The following MATN4 variants were observed in gnomAD, a reference collection of about 807,000 sequenced individuals.
MATN4 encodes the protein matrilin 4, also known as matrilin-4.
MATN4 carries 40 observed loss-of-function variants against 54.6 expected under a neutral mutation model. The ratio of observed to expected loss-of-function variants is 0.73; its 90% CI spans 0.57 to 0.95. The LOEUF (loss-of-function observed/expected upper bound fraction) is 0.95, where lower values mean the gene tolerates loss of function less well. Among genes scored for constraint, MATN4 ranks in the 40% least tolerant of loss-of-function variants. The probability of loss-of-function intolerance (pLI) is 0.00; values close to 1 mark genes in which losing one functional copy is unlikely to be tolerated. For synonymous variants in MATN4, 351 were observed against 345.3 expected, an observed-to-expected ratio of 1.02 and a Z score of -0.18; for missense variants, 810 against 819.1, an observed-to-expected ratio of 0.99 and a Z score of 0.13.
At chr20:45,307,524 G>A (rs1261375230) in intron 1 of MATN4, among the ~76,000 whole-genome samples, 2 of 152,166 alleles carry the variant, frequency 1.3e-5, no homozygotes, top group South Asian at 2.1e-4. Flanking sequence ...GACAGCATGA[G>A]GGCTAAGGCA....
rs1408515902 is a variant in MATN4, at chr20:45,293,899, AAAG to A, written c.1687+6_1687+8del. On this transcript the variant is annotated splice_donor_region_variant and intron_variant, in intron 9 of 9. Coordinates refer to ENST00000372756, the MANE Select transcript of MATN4 (RefSeq NM_001393530.1). The stretch of plus-strand genomic sequence containing the variant: ...CCCTCCAGCCCGCGCCACCAGCCCC[AAAG>A]GATATGGTTCAGCGTCAGGCTCTCG... The A allele has an allele frequency of 1.9e-6, 3 of 1,605,626 alleles. No individual in the cohort carries two copies. The African/African-American group carries it at 4.0e-5, about 21-fold the overall frequency.
Position 45,304,439 on chromosome 20 carries a change from G to T in MATN4, c.432C>A (p.Ile144=). The T allele has an allele frequency of 1.3e-6, 2 of 1,548,570 alleles. No individual in the cohort carries two copies. The highest frequency in any genetic ancestry group is 2.4e-5 in the South Asian group (2 of 83,844). Residue 144 remains isoleucine (I), a synonymous_variant, in exon 3 of 10, where the codon ATC becomes ATA. Transcript: ENST00000372756. The part of the protein sequence containing the change: ...PEERVPRVAV[I]VTDGRPQDRV... Reference sequence around the variant, plus strand: ...GGTCCTGGGGCCGCCCGTCTGTCACGATGACAGCGACACGCGGCACGCGCT... The same window carrying T: ...GGTCCTGGGGCCGCCCGTCTGTCACTATGACAGCGACACGCGGCACGCGCT...
In MATN4 at chr20:45,305,799, G is replaced by A. The variant is rs1037938045; in HGVS notation, c.-34-183C>T. ...ACAGTGGGATTGCTGGGAAACACAA[G>A]AGATTCTTTTTTTTTTTTTTTTTAG... On this transcript the variant is annotated intron_variant, in intron 1 of 9. Transcript: ENST00000372756. Among the ~76,000 whole-genome samples, 18 of 26,570 alleles carry A rather than the reference G, an allele frequency of 6.8e-4. No homozygotes were observed. In the South Asian group the frequency reaches 0.018, roughly 26 times the overall value. 17.4% of individuals were successfully genotyped at this position (26,570 alleles called of 152,430 possible). A position where few individuals can be genotyped will look rare whatever the true frequency, so the allele number is the denominator to read the frequency against.
rs777088318 is a variant in MATN4, at chr20:45,308,226, C to A, written c.-86G>T. On this transcript the variant is annotated 5_prime_UTR_variant, in exon 1 of 10. Coordinates refer to ENST00000372756, the MANE Select transcript of MATN4 (RefSeq NM_001393530.1). ...GCAGCTGCAGAGCGAAGCCGACAGGCGGAGCCTCCCGGGCACTTGGACCAG... is the reference window on the plus strand; with the variant it reads ...GCAGCTGCAGAGCGAAGCCGACAGGAGGAGCCTCCCGGGCACTTGGACCAG... The A allele has an allele frequency of 1.1e-5, 17 of 1,613,684 alleles. No homozygotes were observed. Among genetic ancestry groups the A allele is most frequent in the Non-Finnish European group, 1.4e-5 (17 of 1,179,584 alleles).
chr20:45,303,433 C>T (rs1368195158), intron 3 of MATN4: 2 of 717,182 alleles, frequency 2.8e-6, no homozygotes, highest in South Asian at 3.0e-5. Flanking sequence ...GCCTGGGTTG[C>T]AGGTGCAGTG....
At chr20:45,297,137 A>T (rs547466356) in intron 8 of MATN4, among the ~76,000 whole-genome samples, 2 of 146,640 alleles carry the variant, frequency 1.4e-5, no homozygotes, top group Non-Finnish European at 3.0e-5. Context: ...CAGCCCCCCT[A>T]CATATATCTA....
In MATN4 at chr20:45,298,009, G is replaced by A. The variant is rs763804670; in HGVS notation, c.1488C>T (p.Ala496=). The change falls in exon 8 of 10, where the codon GCC becomes GCT. Residue 496 remains alanine (A), a synonymous_variant. Transcript: ENST00000372756. This position sits in a 1 kb window ranked among gnomAD's most constrained non-coding sequence, Gnocchi z 4.6. The part of the protein sequence containing the change: ...KAVEAELREI[A]SEPAELHVSY... The stretch of plus-strand genomic sequence containing the variant: ...ACACGTGCAGTTCCGCTGGCTCCGA[G>A]GCGATCTCGCGCAGCTCCGCCTCCA... 3.1e-6 allele frequency: 5 copies of A among 1,614,140 alleles called. No individual in the cohort carries two copies. The highest frequency in any genetic ancestry group is 4.2e-6 in the Non-Finnish European group (5 of 1,180,020).
chr20:45,304,230 C>T lies in MATN4; in HGVS notation c.641G>A (p.Cys214Tyr). 1 of 1,507,394 alleles carries T rather than the reference C, an allele frequency of 6.6e-7. No individual in the cohort carries two copies. 93.4% of individuals were successfully genotyped at this position (1,507,394 alleles called of 1,614,324 possible). The change falls in exon 3 of 10, where the codon TGT (cysteine) becomes TAT (tyrosine). Residue 214 changes from cysteine to tyrosine, a missense_variant and splice_region_variant. Coordinates refer to ENST00000372756, the MANE Select transcript of MATN4 (RefSeq NM_001393530.1). ...ACTCCAGCGCCCTCCTAACTCACCA[C>T]ACAGCCGGCTCTGGAACTGCAGGCC... is the stretch of plus-strand genomic sequence containing the variant. ...EFGLQFQSRLCAIDLCAEGTH... is the reference protein window; with the variant it reads ...EFGLQFQSRLYAIDLCAEGTH...
At chr20:45,305,475 CT>C in intron 2 of MATN4, 34 bp downstream of exon 2, 1 of 1,521,018 alleles carries the variant, frequency 6.6e-7, no homozygotes, top group Non-Finnish European at 8.9e-7. Flanking sequence ...TTCCGCTCCC[CT>C]CCTCCCACTG....
At chr20:45,307,857 A>G (rs923099548) in intron 1 of MATN4, among the ~76,000 whole-genome samples, 1 of 152,150 alleles carries the variant, frequency 6.6e-6, no homozygotes, top group Non-Finnish European at 1.5e-5. Flanking sequence ...TAAAAAAAGA[A>G]AGATTCAGAG....
In MATN4 at chr20:45,294,002, G is replaced by A; in HGVS notation, c.1593C>T (p.Ser531=). ...RGSICPEEGI[S]AGTELRSPCE... is the part of the protein sequence containing the mutation. ...ATGGGCTCCGAAGCTCTGTCCCTGC[G>A]CTGATGCCCTCCTCTGCAAGCCGGA... The change falls in exon 9 of 10, where the codon AGC becomes AGT. Residue 531 remains serine, a synonymous_variant. Coordinates refer to ENST00000372756, the MANE Select transcript of MATN4 (RefSeq NM_001393530.1). 2.5e-6 allele frequency: 4 copies of A among 1,601,854 alleles called. No homozygotes were observed. Among genetic ancestry groups the A allele is most frequent in the South Asian group, 1.1e-5 (1 of 90,928 alleles).
rs896949474 is a variant in MATN4 at position 45,298,933 on chromosome 20, CAATAAT to C, written c.1013-356_1013-351del. 7.2e-5 allele frequency among the ~76,000 whole-genome samples: 11 copies of C among 152,144 alleles called. No individual in the cohort carries two copies. The highest frequency in any genetic ancestry group is 5.9e-4 in the Admixed American group (9 of 15,266). ...CTTCTAAGCACTCTACCAGTATTAA[CAATAAT>C]AATAACAAAAACATTATTTACCGAC... is the stretch of plus-strand genomic sequence containing the variant. On this transcript the variant is annotated intron_variant, in intron 6 of 9. Transcript: ENST00000372756. The surrounding 1 kb of genome is among the most constrained non-coding windows in gnomAD (Gnocchi z 4.6).
At chr20:45,296,727 T>C (rs555908903) in intron 8 of MATN4, among the ~76,000 whole-genome samples, 6 of 152,214 alleles carry the variant, frequency 3.9e-5, no homozygotes, top group African/African-American at 1.4e-4. Context: ...ATAATTAGAA[T>C]TGGCTGAGAG....
chr20:45,301,597 C>G (rs2741504), intron 3 of MATN4, among the ~76,000 whole-genome samples, 154 bp from the exon 4 acceptor site: 1 of 152,200 alleles, frequency 6.6e-6, no homozygotes, highest in Non-Finnish European at 1.5e-5. Context: ...TCAAGATGCT[C>G]TCTGACTTAC....
Position 45,304,212 on chromosome 20 carries a change from C to A in MATN4, c.643+16G>T. The A allele has an allele frequency of 6.8e-7, 1 of 1,479,352 alleles. No individual in the cohort carries two copies. The highest frequency in any genetic ancestry group is 9.0e-7 in the Non-Finnish European group (1 of 1,115,712). The allele number at this position is 1,479,352 out of a possible 1,614,324, so 91.6% of individuals were successfully genotyped here. A position where few individuals can be genotyped will look rare whatever the true frequency, so the allele number is the denominator to read the frequency against. On this transcript the variant is annotated intron_variant, in intron 3 of 9. Transcript: ENST00000372756. ...ATTGAGAGTTCGAGCTTCACTCCAG[C>A]GCCCTCCTAACTCACCACACAGCCG...
intron 3 of MATN4, 38 bp from the exon 4 acceptor site, chr20:45,301,481 C>T (rs1234669313): frequency 6.3e-7 from 1 of 1,598,880 alleles, no homozygotes; most frequent in Non-Finnish European, 8.5e-7. Context: ...CCCAGGACTG[C>T]CCTTCTCAGC....
At chr20:45,303,959 G>C (rs911236486) in intron 3 of MATN4, among the ~76,000 whole-genome samples, 2 of 152,210 alleles carry the variant, frequency 1.3e-5, no homozygotes, top group Admixed American at 1.3e-4. Context: ...CACTGGTTCC[G>C]TGTGTGCAGG....
At chr20:45,308,042 C>A in intron 1 of MATN4, 133 bp downstream of exon 1, 1 of 759,230 alleles carries the variant, frequency 1.3e-6, no homozygotes, top group Non-Finnish European at 2.3e-6. Flanking sequence ...AAGGACCCTG[C>A]AGAAGTGGGG....
In MATN4 at chr20:45,305,594, AC is replaced by A. The variant is rs1315173155; in HGVS notation, c.-13del. On this transcript the variant is annotated 5_prime_UTR_variant, in exon 2 of 10. Coordinates refer to ENST00000372756, the MANE Select transcript of MATN4 (RefSeq NM_001393530.1). ...AGAAGGCCTCTCATGGCGCTTGGGG[AC>A]AGAGAATGGAGGTGTCAGAGCCTGG... 2 of 1,552,160 alleles carry A rather than the reference AC, an allele frequency of 1.3e-6. No homozygotes were observed. The highest frequency in any genetic ancestry group is 1.7e-6 in the Non-Finnish European group (2 of 1,146,056).
Sources: allele counts gnomAD v4.1 joint callset (sites outside exome capture counted in the v4.1 genomes callset), GRCh38; gene constraint gnomAD v4.1.1; non-coding constraint Gnocchi (gnomAD v3.1); transcripts MANE v1.5; gene names NCBI Gene and HGNC (gene_info 2026-07-23, HGNC 2026-07-21).